The following RNF128 variants were observed in gnomAD, a reference collection of about 807,000 sequenced individuals.
RNF128 encodes E3 ubiquitin-protein ligase RNF128.
In RNF128, 13 loss-of-function variants were observed where a neutral mutation model predicts 26.2. The ratio of observed to expected loss-of-function variants is 0.50; its 90% CI spans 0.32 to 0.79. The LOEUF is 0.79. Among genes scored for constraint, RNF128 ranks in the 30% least tolerant of loss-of-function variants. The pLI, the probability that RNF128 is intolerant of heterozygous loss-of-function variation, is 0.03. For synonymous variants in RNF128, 149 were observed against 142.5 expected, an observed-to-expected ratio of 1.05 and a Z score of -0.32; for missense variants, 315 against 349.7, an observed-to-expected ratio of 0.90 and a Z score of 0.79.
intron 2 of RNF128, among the ~76,000 whole-genome samples, chrX:106,783,627 A>G (rs780263589): frequency 1.8e-5 from 2 of 111,530 alleles, no homozygotes; most frequent in African/African-American, 6.5e-5. Context: ...CATGCTGCAC[A>G]TGCTACCATT....
chrX:106,758,805 C>T (rs896645638), intron 1 of RNF128, among the ~76,000 whole-genome samples: 1 of 111,465 alleles, frequency 9.0e-6, no homozygotes, highest in African/African-American at 3.3e-5. Context: ...AGACTTAAAT[C>T]TAAGACCTCA....
At chrX:106,781,340 T>C (rs981354914) in intron 2 of RNF128, among the ~76,000 whole-genome samples, 14 of 111,976 alleles carry the variant, frequency 1.3e-4, no homozygotes, top group African/African-American at 4.5e-4. Flanking sequence ...AATTCTGTTT[T>C]TTAAGGAGTA....
upstream of RNF128, chrX:106,726,653 G>A: frequency 1.0e-6 from 1 of 973,097 alleles, no homozygotes; most frequent in Non-Finnish European, 1.3e-6. Flanking sequence ...ACCCCCAGTC[G>A]GCTGGGCGGA....
intron 1 of RNF128, among the ~76,000 whole-genome samples, chrX:106,748,476 G>T (rs1010837362): frequency 1.8e-5 from 2 of 111,865 alleles, no homozygotes; most frequent in East Asian, 2.8e-4. Context: ...AGCACTTAAA[G>T]AAATGCTTTG....
At chrX:106,774,513 A>T (rs779341406) in intron 2 of RNF128, among the ~76,000 whole-genome samples, 1 of 112,667 alleles carries the variant, frequency 8.9e-6, no homozygotes, top group Non-Finnish European at 1.9e-5. Context: ...TCCCATTTTC[A>T]AAAGATTTTC....
chrX:106,785,575 A>G (rs1930641905), intron 3 of RNF128, among the ~76,000 whole-genome samples: 1 of 111,739 alleles, frequency 8.9e-6, no homozygotes, highest in African/African-American at 3.3e-5. Context: ...AGAAGCTGGG[A>G]AAGATAAGGA....
At position 106,733,924 on chromosome X, in the gene RNF128, C is replaced by T. The variant is rs926627563; in HGVS notation, c.484+6527C>T. 9.0e-5 allele frequency among the ~76,000 whole-genome samples: 10 copies of T among 111,612 alleles called. 1 individual carries two copies. The highest frequency in any genetic ancestry group is 1.9e-4 in the Non-Finnish European group (10 of 53,173). On this transcript the variant is annotated intron_variant, in intron 1 of 6. Coordinates refer to ENST00000255499, the MANE Select transcript of RNF128 (RefSeq NM_194463.2). ...CCATGTTGGCCAGGCTGGTCTCTAA[C>T]GCCTGACCTCAAGTTATCTGCCTGC...
chrX:106,701,408 C>A (rs1011464477), intron 1 of RNF128, among the ~76,000 whole-genome samples: 1 of 111,098 alleles, frequency 9.0e-6, no homozygotes, highest in Admixed American at 9.6e-5. Context: ...TATGGCTTAA[C>A]TAGAATATGA....
intron 1 of RNF128, among the ~76,000 whole-genome samples, chrX:106,717,332 A>C (rs1433401385): frequency 1.8e-5 from 2 of 112,413 alleles, no homozygotes; most frequent in Non-Finnish European, 3.8e-5. Flanking sequence ...TAGGGAAGAG[A>C]CTAAAATCAA....
At chrX:106,717,372 AAATT>A (rs991399873) in intron 1 of RNF128, among the ~76,000 whole-genome samples, 3 of 111,993 alleles carry the variant, frequency 2.7e-5, no homozygotes, top group Non-Finnish European at 5.6e-5. Context: ...AATCTAAAAA[AAATT>A]AATATCACTT....
At chrX:106,728,915 A>C (rs1297949471) in intron 1 of RNF128, among the ~76,000 whole-genome samples, 8 of 112,170 alleles carry the variant, frequency 7.1e-5, no homozygotes, top group African/African-American at 2.6e-4. Context: ...TTGGCCGATA[A>C]TTCATTGATT....
chrX:106,785,144 C>A lies in RNF128; in HGVS notation c.804+8C>A. On this transcript the variant is annotated splice_region_variant and intron_variant, in intron 3 of 6. Coordinates refer to ENST00000255499, the MANE Select transcript of RNF128 (RefSeq NM_194463.2). Reference sequence around the variant, plus strand: ...CTGAAACAAGGAGACAAGGTACATTCATGACTTTTAAATGCTATTTATTTT... The same window carrying A: ...CTGAAACAAGGAGACAAGGTACATTAATGACTTTTAAATGCTATTTATTTT... The A allele has an allele frequency of 8.7e-7, 1 of 1,150,286 alleles. No individual in the cohort carries two copies. The highest frequency in any genetic ancestry group is 2.0e-5 in the South Asian group (1 of 49,526). 94.8% of individuals were successfully genotyped at this position (1,150,286 alleles called of 1,213,427 possible).
At chrX:106,717,192 G>T (rs1470682223) in intron 1 of RNF128, among the ~76,000 whole-genome samples, 2 of 105,656 alleles carry the variant, frequency 1.9e-5, no homozygotes, top group Non-Finnish European at 3.9e-5. Flanking sequence ...GACAGAGCGA[G>T]ACTCCGTCTC....
At chrX:106,746,762 C>A (rs1443933058) in intron 1 of RNF128, among the ~76,000 whole-genome samples, 4 of 111,736 alleles carry the variant, frequency 3.6e-5, no homozygotes, top group Non-Finnish European at 7.6e-5. Flanking sequence ...AATTGAATCT[C>A]TATTTCTTCT....
intron 2 of RNF128, among the ~76,000 whole-genome samples, chrX:106,783,311 T>C (rs928579118): frequency 4.5e-5 from 5 of 111,899 alleles, no homozygotes; most frequent in Non-Finnish European, 7.5e-5. Context: ...CCAAAATATA[T>C]TTGCTACAAA....
intron 1 of RNF128, among the ~76,000 whole-genome samples, chrX:106,706,186 GC>G (rs1375289490): frequency 9.0e-6 from 1 of 111,366 alleles, no homozygotes; most frequent in Non-Finnish European, 1.9e-5. Flanking sequence ...CATAGCCTTG[GC>G]CAAGGGTAGC....
At position 106,726,725 on chromosome X, in the gene RNF128, C is replaced by T. The variant is rs1239480657; in HGVS notation, c.-189C>T. 84 of 1,040,902 alleles carry T rather than the reference C, an allele frequency of 8.1e-5. No homozygotes were observed. The East Asian group carries it at 3.2e-3, about 40-fold the overall frequency. 85.8% of individuals were successfully genotyped at this position (1,040,902 alleles called of 1,213,427 possible). On this transcript the variant is annotated 5_prime_UTR_variant, in exon 1 of 7. Transcript: ENST00000255499. ...CGCGGTAGCGGAGAAGACTGGAGCT[C>T]CGAGGAGCTGCATCTGCGGCAACCT...
intron 6 of RNF128, among the ~76,000 whole-genome samples, chrX:106,793,747 A>T (rs1369084784): frequency 9.0e-6 from 1 of 110,501 alleles, no homozygotes; most frequent in African/African-American, 3.3e-5. Flanking sequence ...CCGAGTGATT[A>T]AATTTATTGT....
intron 1 of RNF128, among the ~76,000 whole-genome samples, chrX:106,697,279 G>A (rs1372223386): frequency 8.9e-6 from 1 of 111,957 alleles, no homozygotes; most frequent in East Asian, 2.8e-4. Context: ...ATATTTGGTA[G>A]TTTTTGTGGC....
Sources: allele counts gnomAD v4.1 joint callset (sites outside exome capture counted in the v4.1 genomes callset), GRCh38; gene constraint gnomAD v4.1.1; transcripts MANE v1.5; gene names NCBI Gene and HGNC (gene_info 2026-07-23, HGNC 2026-07-21).